The following CDK12 variants were observed in gnomAD, a reference collection of about 807,000 sequenced individuals.
CDK12 encodes the protein cyclin dependent kinase 12, also known as cyclin-dependent kinase 12.
In CDK12, 17 loss-of-function variants were observed where a neutral mutation model predicts 133.8. That is an observed-to-expected ratio of 0.13 (90% CI 0.09 to 0.19). The LOEUF is 0.19. Among genes scored for constraint, CDK12 ranks in the 10% least tolerant of loss-of-function variants. The pLI is 1.00. For missense variants in CDK12, 1,508 were observed against 1,818.7 expected, an observed-to-expected ratio of 0.83 and a Z score of 3.11; for synonymous variants, 694 against 683.6, an observed-to-expected ratio of 1.02 and a Z score of -0.24.
intron 5 of CDK12, among the ~76,000 whole-genome samples, chr17:39,495,260 T>C (rs559202808): frequency 1.9e-4 from 29 of 151,490 alleles, no homozygotes; most frequent in Non-Finnish European, 3.4e-4. Flanking sequence ...GTATATTTAG[T>C]GGAGAGGAGG....
chr17:39,472,352 T>G, intron 2 of CDK12, among the ~76,000 whole-genome samples: 1 of 152,114 alleles, frequency 6.6e-6, no homozygotes, highest in Non-Finnish European at 1.5e-5. Context: ...AAATTTTTGT[T>G]GAAAATATTA....
chr17:39,532,461 CAAA>C lies in CDK12; in HGVS notation c.*1153_*1155del, dbSNP rs147657554. ...ATTGTTTACACATATATTTTTATGT[CAAA>C]AAAAAAACAAAAACCTTTCAAACAG... On this transcript the variant is annotated 3_prime_UTR_variant, in exon 14 of 14. Coordinates refer to ENST00000447079, the MANE Select transcript of CDK12 (RefSeq NM_016507.4). The C allele has an allele frequency of 9.6e-6, 2 of 208,544 alleles. No individual in the cohort carries two copies. The highest frequency in any genetic ancestry group is 4.8e-5 in the African/African-American group (2 of 41,954). 12.9% of individuals were successfully genotyped at this position (208,544 alleles called of 1,614,324 possible).
intron 1 of CDK12, among the ~76,000 whole-genome samples, chr17:39,464,799 A>G (rs71369766): frequency 8.3e-6 from 1 of 120,304 alleles, no homozygotes; most frequent in African/African-American, 2.6e-5. Flanking sequence ...GAAAAAAAAA[A>G]AAATTAGCTG....
At chr17:39,529,441 G>T (rs2054691999) in intron 13 of CDK12, among the ~76,000 whole-genome samples, 1 of 152,106 alleles carries the variant, frequency 6.6e-6, no homozygotes, top group Non-Finnish European at 1.5e-5. Context: ...ATTGAAGAAT[G>T]ACTATATATA....
downstream of CDK12, among the ~76,000 whole-genome samples, chr17:39,537,549 A>T (rs966425905): frequency 9.8e-5 from 13 of 132,976 alleles, no homozygotes; most frequent in South Asian, 4.4e-4. Flanking sequence ...CCTTATTTTT[A>T]TTTATTTATT....
intron 6 of CDK12, among the ~76,000 whole-genome samples, chr17:39,504,733 G>A (rs1215649296): frequency 6.6e-6 from 1 of 151,780 alleles, no homozygotes; most frequent in Non-Finnish European, 1.5e-5. Context: ...ACAAAAATTA[G>A]CTGAGCTTGG....
intron 2 of CDK12, among the ~76,000 whole-genome samples, chr17:39,482,616 T>G (rs1435759103): frequency 7.0e-6 from 1 of 141,876 alleles, no homozygotes; most frequent in African/African-American, 2.5e-5. Context: ...TTTTTTTTTT[T>G]TTTTGAGGCA....
chr17:39,520,099 T>C lies in CDK12; in HGVS notation c.3095+12T>C. ...ATGGCTCCTCCAGAGTAAGTGCTGG[T>C]AGCCATGTTGTGACCCTAAATCTTT... On this transcript the variant is annotated intron_variant, in intron 11 of 13. Coordinates refer to ENST00000447079, the MANE Select transcript of CDK12 (RefSeq NM_016507.4). 1 of 1,613,748 alleles carries C rather than the reference T, an allele frequency of 6.2e-7. No homozygotes were observed. The highest frequency in any genetic ancestry group is 8.5e-7 in the Non-Finnish European group (1 of 1,179,836).
At chr17:39,491,781 G>A (rs1239558026) in intron 3 of CDK12, among the ~76,000 whole-genome samples, 2 of 146,900 alleles carry the variant, frequency 1.4e-5, no homozygotes, top group Non-Finnish European at 3.0e-5. Context: ...CTGGCTGTGT[G>A]TTTATATATT....
upstream of CDK12, chr17:39,549,989 TC>T (rs1286139526): frequency 6.1e-4 from 86 of 141,362 alleles, no homozygotes; most frequent in Non-Finnish European, 7.9e-4. Context: ...CCTCATGCTT[TC>T]TCTCTCTCTC....
At chr17:39,554,718 A>C (rs1441316872) in intron 2 of CDK12, among the ~76,000 whole-genome samples, 2 of 151,868 alleles carry the variant, frequency 1.3e-5, no homozygotes, top group African/African-American at 4.8e-5. Flanking sequence ...GTCTCTACTA[A>C]AAGTACAAAA....
At chr17:39,547,553 G>A (rs1342282944), upstream of CDK12, among the ~76,000 whole-genome samples, 6 of 152,176 alleles carry the variant, frequency 3.9e-5, no homozygotes, top group Non-Finnish European at 8.8e-5. Flanking sequence ...AGGATCTTAG[G>A]CTCTGAGAAT....
intron 10 of CDK12, 22 bp downstream of exon 10, chr17:39,517,578 A>T (rs2053891017): frequency 7.1e-7 from 1 of 1,410,794 alleles, no homozygotes; most frequent in Non-Finnish European, 1.0e-6. Flanking sequence ...GAAAATGAAC[A>T]TCTCGTTTCT....
chr17:39,487,169 G>A (rs2145736264), intron 2 of CDK12, among the ~76,000 whole-genome samples: 1 of 152,232 alleles, frequency 6.6e-6, no homozygotes, highest in South Asian at 2.1e-4. Context: ...CTACTCCACT[G>A]ACTATCCCAG....
rs1204398247 is a variant in CDK12 at position 39,520,107 on chromosome 17, T to C, written c.3095+20T>C. On this transcript the variant is annotated intron_variant, in intron 11 of 13. Coordinates refer to ENST00000447079, the MANE Select transcript of CDK12 (RefSeq NM_016507.4). ...TCCAGAGTAAGTGCTGGTAGCCATG[T>C]TGTGACCCTAAATCTTTCCCTGGGC... The C allele has an allele frequency of 6.2e-7, 1 of 1,613,394 alleles. No homozygotes were observed. The highest frequency in any genetic ancestry group is 1.1e-5 in the South Asian group (1 of 91,054).
chr17:39,464,223 C>CT (rs753841862), intron 1 of CDK12, among the ~76,000 whole-genome samples: 150 of 143,784 alleles, frequency 1.0e-3, no homozygotes, highest in East Asian at 5.7e-3. Context: ...TCATGCATGA[C>CT]TTTTTTTTTT....
At chr17:39,525,250 C>CATAG (rs895278550) in intron 12 of CDK12, among the ~76,000 whole-genome samples, 3 of 152,160 alleles carry the variant, frequency 2.0e-5, no homozygotes, top group Admixed American at 2.0e-4. Flanking sequence ...ATAAGACCTT[C>CATAG]ATAGAATCTA....
intron 2 of CDK12, among the ~76,000 whole-genome samples, chr17:39,481,651 T>TCTCTCTCTCCCC: frequency 5.5e-5 from 1 of 18,298 alleles, no homozygotes; most frequent in African/African-American, 1.5e-4. Flanking sequence ...TCTCTCTCTC[T>TCTCTCTCTCCCC]CTCTCTCTCT....
chr17:39,559,404 C>T (rs1201623101), intron 3 of CDK12, among the ~76,000 whole-genome samples: 1 of 152,076 alleles, frequency 6.6e-6, no homozygotes, highest in Admixed American at 6.5e-5. Context: ...TTTTATGTAT[C>T]CACCACTACA....
Sources: allele counts gnomAD v4.1 joint callset (sites outside exome capture counted in the v4.1 genomes callset), GRCh38; gene constraint gnomAD v4.1.1; transcripts MANE v1.5; gene names NCBI Gene and HGNC (gene_info 2026-07-23, HGNC 2026-07-21).